Variants in GLB1L2 observed in about 807,000 individuals in gnomAD.
The protein encoded by GLB1L2 is galactosidase beta 1 like 2.
A neutral mutation model predicts 84.1 loss-of-function variants in GLB1L2; 68 were observed. That is an observed-to-expected ratio of 0.81 (90% CI 0.67 to 0.99). GLB1L2 has a LOEUF of 0.99. GLB1L2 is among the 50% of genes least tolerant of loss of function. The probability of loss-of-function intolerance (pLI) is 0.00; values close to 1 mark genes in which losing one functional copy is unlikely to be tolerated. For missense variants in GLB1L2, 762 were observed against 805.6 expected, an observed-to-expected ratio of 0.95 and a Z score of 0.66; for synonymous variants, 290 against 318.0, an observed-to-expected ratio of 0.91 and a Z score of 0.94.
chr11:134,375,386 G>A lies in GLB1L2; in HGVS notation c.*328G>A, dbSNP rs1944012908. The A allele has an allele frequency of 3.2e-6, 1 of 311,632 alleles. No homozygotes were observed. Among genetic ancestry groups the A allele is most frequent in the Non-Finnish European group, 5.9e-6 (1 of 169,672 alleles). 19.3% of individuals were successfully genotyped at this position (311,632 alleles called of 1,614,324 possible). ...AGAAAAAGTGCTGAAACGTGCCCTT[G>A]CACTGGACGTCACAGCCCTGCGAGC... is the stretch of plus-strand genomic sequence containing the variant. On this transcript the variant is annotated 3_prime_UTR_variant, in exon 19 of 19. Transcript: ENST00000535456.
Position 134,370,458 on chromosome 11 carries a change from G to A in GLB1L2, c.1215+59G>A. ...GAGTGCCGGGGGCAGTCGTTGGCAG[G>A]GAGGTGAGTGCTGGGGGCAGTCGTC... On this transcript the variant is annotated intron_variant, in intron 12 of 18. Transcript: ENST00000535456. The surrounding 1 kb of genome is among the most constrained non-coding windows in gnomAD (Gnocchi z 4.7). 8.1e-6 allele frequency: 11 copies of A among 1,360,388 alleles called. No individual in the cohort carries two copies. The highest frequency in any genetic ancestry group is 1.1e-5 in the Non-Finnish European group (11 of 956,642). The allele number at this position is 1,360,388 out of a possible 1,614,324, so 84.3% of individuals were successfully genotyped here. A position where few individuals can be genotyped will look rare whatever the true frequency, so the allele number is the denominator to read the frequency against.
Position 134,375,013 on chromosome 11 carries a change from G to A in GLB1L2, c.1866G>A (p.Gln622=), listed in dbSNP as rs1944007661. 6.2e-7 allele frequency: 1 copy of A among 1,613,742 alleles called. No homozygotes were observed. Among genetic ancestry groups the A allele is most frequent in the Non-Finnish European group, 8.5e-7 (1 of 1,179,972 alleles). ...AGACGATGGCGGGCCCTGCATTACA[G>A]TTCACGGAAACCCCCCACCTGGGCA... The part of the protein sequence containing the change: ...FEETMAGPAL[Q]FTETPHLGRN... Residue 622 remains glutamine (Q), a synonymous_variant, in exon 19 of 19, where the codon CAG becomes CAA. Transcript: ENST00000535456.
chr11:134,362,088 G>A (rs1214665855), intron 7 of GLB1L2, among the ~76,000 whole-genome samples: 2 of 152,154 alleles, frequency 1.3e-5, no homozygotes, highest in Non-Finnish European at 2.9e-5. Context: ...TTGTGTATTG[G>A]GTGCTTCTGT....
rs898190901 is a variant in GLB1L2 at position 134,370,757 on chromosome 11, C to A, written c.1216-251C>A. Among the ~76,000 whole-genome samples, 1 of 152,160 alleles carries A rather than the reference C, an allele frequency of 6.6e-6. No individual in the cohort carries two copies. Among genetic ancestry groups the A allele is most frequent in the Non-Finnish European group, 1.5e-5 (1 of 68,022 alleles). Reference sequence around the variant, plus strand: ...CCGTCCCCTCCCCAAGAAGGGGGTGCCTCCTCCGGCGGACTGAGGCTGTGA... The same window carrying A: ...CCGTCCCCTCCCCAAGAAGGGGGTGACTCCTCCGGCGGACTGAGGCTGTGA... On this transcript the variant is annotated intron_variant, in intron 12 of 18. Coordinates refer to ENST00000535456, the MANE Select transcript of GLB1L2 (RefSeq NM_001370461.1). This position sits in a 1 kb window ranked among gnomAD's most constrained non-coding sequence, Gnocchi z 4.7.
chr11:134,353,374 C>T (rs930989529), intron 5 of GLB1L2, among the ~76,000 whole-genome samples: 3 of 152,204 alleles, frequency 2.0e-5, no homozygotes, highest in South Asian at 4.2e-4. Context: ...TGTGCCACTG[C>T]ACTCCAGCCT....
intron 4 of GLB1L2, among the ~76,000 whole-genome samples, chr11:134,345,335 T>C (rs1341500572): frequency 1.3e-5 from 2 of 152,238 alleles, no homozygotes; most frequent in African/African-American, 4.8e-5. Context: ...TAGCCATGCA[T>C]GGGCTGCTTG....
rs780730953 is a variant in GLB1L2, at chr11:134,356,386, T to C, written c.644T>C (p.Val215Ala). ...AAAGACCCCGCATACATGCCCTACG[T>C]CAAGAAGGTAAGAATCCTCTTAGTG... Reference protein sequence around the residue: ...YNKDPAYMPYVKKALEDRGIV... With the variant: ...YNKDPAYMPYAKKALEDRGIV... Residue 215 changes from valine to alanine, a missense_variant, in exon 6 of 19, where the codon GTC becomes GCC. By Grantham distance (64) the Val-to-Ala change is moderately conservative (BLOSUM62 0). Coordinates refer to ENST00000535456, the MANE Select transcript of GLB1L2 (RefSeq NM_001370461.1). 1 of 1,610,830 alleles carries C rather than the reference T, an allele frequency of 6.2e-7. No individual in the cohort carries two copies. The highest frequency in any genetic ancestry group is 8.5e-7 in the Non-Finnish European group (1 of 1,177,026).
chr11:134,363,195 C>A (rs1400934701), intron 7 of GLB1L2, among the ~76,000 whole-genome samples: 1 of 152,170 alleles, frequency 6.6e-6, no homozygotes, highest in Non-Finnish European at 1.5e-5. Context: ...AGGGCAGGGA[C>A]AGGGCAGAGC....
chr11:134,332,700 C>T (rs1943320458), intron 1 of GLB1L2, among the ~76,000 whole-genome samples: 1 of 152,208 alleles, frequency 6.6e-6, no homozygotes, highest in Admixed American at 6.5e-5. Flanking sequence ...CACAGTAGGA[C>T]TGATAGGTCG....
rs1784047475 is a variant in GLB1L2, at chr11:134,374,701, A to G, written c.1807A>G (p.Ser603Gly). ...KTLYLPGPWL[S>G]SGINQVIVFE... ...GCTTTACCTCCCAGGTCCCTGGTTG[A>G]GCAGCGGAATCAACCAGGTGGGAGC... The change falls in exon 18 of 19, where the codon AGC (serine) becomes GGC (glycine). Residue 603 changes from serine to glycine, a missense_variant. Physicochemically the swap from Ser to Gly is moderately conservative, Grantham distance 56. Around this residue, in one of 3 missense-constraint regions of GLB1L2, gnomAD observed 603 missense variants for 611.7 expected, o/e 0.99. Coordinates refer to ENST00000535456, the MANE Select transcript of GLB1L2 (RefSeq NM_001370461.1). The G allele has an allele frequency of 3.1e-6, 5 of 1,613,540 alleles. No homozygotes were observed. The highest frequency in any genetic ancestry group is 4.2e-6 in the Non-Finnish European group (5 of 1,179,580).
rs937457819 is a variant in GLB1L2, at chr11:134,342,804, G to A, written c.137G>A (p.Gly46Glu). 9 of 1,614,056 alleles carry A rather than the reference G, an allele frequency of 5.6e-6. No homozygotes were observed. Among genetic ancestry groups the A allele is most frequent in the South Asian group, 1.1e-5 (1 of 91,076 alleles). The stretch of plus-strand genomic sequence containing the variant: ...CTGCGGCTCCGCCATCGACAGCTGG[G>A]GCTGCAGGCCAAGGGCTGGAACTTC... ...VPLRLRHRQL[G>E]LQAKGWNFML... The change falls in exon 2 of 19, where the codon GGG (glycine) becomes GAG (glutamate). Residue 46 changes from glycine to glutamate, a missense_variant. Physicochemically the swap from Gly to Glu is moderately conservative, Grantham distance 98 (BLOSUM62 -2). Transcript: ENST00000535456.
Position 134,370,861 on chromosome 11 carries a change from AGTT to A in GLB1L2, c.1216-144_1216-142del. The A allele has an allele frequency of 1.2e-6, 1 of 863,082 alleles. No individual in the cohort carries two copies. Among genetic ancestry groups the A allele is most frequent in the Non-Finnish European group, 1.8e-6 (1 of 545,926 alleles). The allele number at this position is 863,082 out of a possible 1,614,324, so 53.5% of individuals were successfully genotyped here. A position where few individuals can be genotyped will look rare whatever the true frequency, so the allele number is the denominator to read the frequency against. ...ACTCCTCTTCCCCGTCACCCTGGAGAGTTGTATGTTTAGTGCAATGAGAAGTCA... is the reference window on the plus strand; with the variant it reads ...ACTCCTCTTCCCCGTCACCCTGGAGAGTATGTTTAGTGCAATGAGAAGTCA... On this transcript the variant is annotated intron_variant, in intron 12 of 18. Coordinates refer to ENST00000535456, the MANE Select transcript of GLB1L2 (RefSeq NM_001370461.1). The surrounding 1 kb of genome is among the most constrained non-coding windows in gnomAD (Gnocchi z 4.7).
rs187537624 is a variant in GLB1L2 at position 134,356,307 on chromosome 11, C to G, written c.565C>G (p.Arg189Gly). ...MSRVVPLQYK[R>G]GGPIIAVQVE... ...TTCTGTCTTTTCTCCGCAGTACAAG[C>G]GTGGGGGACCTATCATTGCCGTGCA... Residue 189 changes from arginine (R) to glycine (G), a missense_variant, in exon 6 of 19, where the codon CGT becomes GGT. Transcript: ENST00000535456. The G allele has an allele frequency of 6.2e-7, 1 of 1,613,650 alleles. No homozygotes were observed. Among genetic ancestry groups the G allele is most frequent in the Admixed American group, 1.7e-5 (1 of 60,018 alleles).
At position 134,376,219 on chromosome 11, in the gene GLB1L2, C is replaced by T. The variant is rs921191075; in HGVS notation, c.*1161C>T. 2 of 147,260 alleles carry T rather than the reference C, an allele frequency of 1.4e-5. No individual in the cohort carries two copies. Among genetic ancestry groups the T allele is most frequent in the Non-Finnish European group, 3.0e-5 (2 of 66,784 alleles). 9.1% of individuals were successfully genotyped at this position (147,260 alleles called of 1,614,324 possible). ...CAGCAGGGGCAGAGCAGCCCTCCTT[C>T]GAAGTGTGTCCAAGTCCGCATTTGA... On this transcript the variant is annotated 3_prime_UTR_variant, in exon 19 of 19. Coordinates refer to ENST00000535456, the MANE Select transcript of GLB1L2 (RefSeq NM_001370461.1).
Position 134,364,299 on chromosome 11 carries a change from GTCTC to G in GLB1L2, c.734-20_734-17del, listed in dbSNP as rs550605133. ...GTCCCTGGCTTTGAGACAGTGCTTTGTCTCTCTCTCTCCTCTTCCCTTTAACAGT... is the reference window on the plus strand; with the variant it reads ...GTCCCTGGCTTTGAGACAGTGCTTTGTCTCTCTCCTCTTCCCTTTAACAGT... On this transcript the variant is annotated intron_variant, in intron 7 of 18. Coordinates refer to ENST00000535456, the MANE Select transcript of GLB1L2 (RefSeq NM_001370461.1). The G allele has an allele frequency of 7.6e-6, 12 of 1,580,302 alleles. No individual in the cohort carries two copies. The Admixed American group carries it at 1.2e-4, about 15-fold the overall frequency.
At chr11:134,351,515 T>C (rs890180558) in intron 5 of GLB1L2, among the ~76,000 whole-genome samples, 2 of 152,058 alleles carry the variant, frequency 1.3e-5, no homozygotes, top group Admixed American at 1.3e-4. Flanking sequence ...CCAGCTAATT[T>C]TGTATTTTCA....
chr11:134,332,033 C>T lies in GLB1L2; in HGVS notation c.-29C>T, dbSNP rs755263289. 6.6e-7 allele frequency: 1 copy of T among 1,507,644 alleles called. No homozygotes were observed. 93.4% of individuals were successfully genotyped at this position (1,507,644 alleles called of 1,614,324 possible). A position where few individuals can be genotyped will look rare whatever the true frequency, so the allele number is the denominator to read the frequency against. On this transcript the variant is annotated 5_prime_UTR_variant, in exon 1 of 19. Transcript: ENST00000535456. ...GGCTGAGTGCGGACTGGAGTGGGAA[C>T]CCGGGTCCCCGCGCTTAGAGAACAC... is the stretch of plus-strand genomic sequence containing the variant.
At chr11:134,358,731 C>T (rs1027375839) in intron 6 of GLB1L2, among the ~76,000 whole-genome samples, 2 of 152,226 alleles carry the variant, frequency 1.3e-5, no homozygotes, top group Non-Finnish European at 2.9e-5. Flanking sequence ...GGGTGACACG[C>T]GGCAGCAGGC....
intron 5 of GLB1L2, among the ~76,000 whole-genome samples, chr11:134,348,719 C>T (rs1411129712): frequency 6.6e-6 from 1 of 152,178 alleles, no homozygotes; most frequent in Non-Finnish European, 1.5e-5. Context: ...CTGCCACAAC[C>T]AAACACCTAG....
Sources: allele counts gnomAD v4.1 joint callset (sites outside exome capture counted in the v4.1 genomes callset), GRCh38; gene constraint gnomAD v4.1.1; regional missense constraint gnomAD v4.1.1; non-coding constraint Gnocchi (gnomAD v3.1); transcripts MANE v1.5; gene names NCBI Gene and HGNC (gene_info 2026-07-23, HGNC 2026-07-21).